Variants in PTPRD observed in about 807,000 individuals in gnomAD.
PTPRD encodes the protein protein tyrosine phosphatase receptor type D.
PTPRD carries 34 observed loss-of-function variants against 214.5 expected under a neutral mutation model. The ratio of observed to expected loss-of-function variants is 0.16; its 90% CI spans 0.12 to 0.21. The LOEUF (loss-of-function observed/expected upper bound fraction) is 0.21. PTPRD is among the 10% of genes least tolerant of loss of function. The pLI is 1.00. For synonymous variants in PTPRD, 1,128 were observed against 845.7 expected, an observed-to-expected ratio of 1.33 and a Z score of -5.79; for missense variants, 2,545 against 2,398.7, an observed-to-expected ratio of 1.06 and a Z score of -1.27.
intron 6 of PTPRD, among the ~76,000 whole-genome samples, chr9:9,747,462 G>A (rs1237711772): frequency 6.6e-6 from 1 of 151,786 alleles, no homozygotes; most frequent in East Asian, 1.9e-4. Context: ...AACTGGGGCT[G>A]AAAATTAAAT....
intron 14 of PTPRD, among the ~76,000 whole-genome samples, chr9:8,575,837 CT>C (rs368907793): frequency 9.3e-4 from 142 of 152,248 alleles, no homozygotes; most frequent in African/African-American, 3.3e-3. Flanking sequence ...ACTACAGTAC[CT>C]ACCATGTGCT....
chr9:10,542,653 T>C (rs1265783186), intron 2 of PTPRD, among the ~76,000 whole-genome samples: 1 of 152,268 alleles, frequency 6.6e-6, no homozygotes, highest in East Asian at 1.9e-4. Flanking sequence ...GTAACACATA[T>C]ATTCACAGTG....
chr9:9,048,910 C>T (rs1569505403), intron 10 of PTPRD, among the ~76,000 whole-genome samples: 1 of 152,116 alleles, frequency 6.6e-6, no homozygotes, highest in East Asian at 1.9e-4. Flanking sequence ...TGTATCAAAA[C>T]ATCTCATGTA....
intron 9 of PTPRD, among the ~76,000 whole-genome samples, chr9:9,283,916 G>C (rs556421531): frequency 6.6e-6 from 1 of 151,506 alleles, no homozygotes; most frequent in African/African-American, 2.4e-5. Context: ...TTATAATTTC[G>C]TTCACTATAT....
chr9:8,951,138 A>AGTGT (rs56212369), intron 11 of PTPRD, among the ~76,000 whole-genome samples: 240 of 147,224 alleles, frequency 1.6e-3, no homozygotes, highest in African/African-American at 4.2e-3. Context: ...TAGGAAAAAG[A>AGTGT]GTGTGTGTGT....
At chr9:9,046,702 T>C (rs748950371) in intron 10 of PTPRD, among the ~76,000 whole-genome samples, 46 of 152,170 alleles carry the variant, frequency 3.0e-4, no homozygotes, top group Non-Finnish European at 5.6e-4. Flanking sequence ...TCTGTAATCA[T>C]GCAGGCAATT....
chr9:8,541,139 A>T (rs1445595315), intron 14 of PTPRD, among the ~76,000 whole-genome samples: 1 of 152,218 alleles, frequency 6.6e-6, no homozygotes, highest in Non-Finnish European at 1.5e-5. Context: ...ATCTATGGGG[A>T]AACATTTCCC....
chr9:8,630,582 G>T (rs531560137), intron 14 of PTPRD, among the ~76,000 whole-genome samples: 1 of 151,788 alleles, frequency 6.6e-6, no homozygotes, highest in East Asian at 1.9e-4. Context: ...TTTTTCTCAT[G>T]AAAGTTCTAA....
intron 14 of PTPRD, among the ~76,000 whole-genome samples, chr9:8,564,894 A>C (rs975536231): frequency 1.3e-5 from 2 of 152,190 alleles, no homozygotes; most frequent in African/African-American, 4.8e-5. Context: ...AATAAATATT[A>C]ATCCATGCTA....
At chr9:8,941,332 C>G (rs1298329176) in intron 11 of PTPRD, among the ~76,000 whole-genome samples, 2 of 152,010 alleles carry the variant, frequency 1.3e-5, no homozygotes, top group African/African-American at 4.8e-5. Flanking sequence ...AGTTTATCAA[C>G]AAAATTACAC....
chr9:9,095,101 G>A (rs184747920), intron 10 of PTPRD, among the ~76,000 whole-genome samples: 29 of 152,132 alleles, frequency 1.9e-4, no homozygotes, highest in Non-Finnish European at 1.5e-5. Flanking sequence ...AAACATGCTT[G>A]CTAATAGGTG....
chr9:8,578,524 C>T (rs377599391), intron 14 of PTPRD, among the ~76,000 whole-genome samples: 6 of 152,126 alleles, frequency 3.9e-5, no homozygotes, highest in Admixed American at 2.6e-4. Flanking sequence ...ATTCTCTAGG[C>T]TGTCAATACA....
intron 9 of PTPRD, among the ~76,000 whole-genome samples, chr9:9,244,136 A>G (rs1254093443): frequency 6.6e-6 from 1 of 152,192 alleles, no homozygotes; most frequent in Non-Finnish European, 1.5e-5. Flanking sequence ...AAAATAAAAG[A>G]GGATACAAAC....
intron 39 of PTPRD, among the ~76,000 whole-genome samples, chr9:8,355,902 G>A (rs6477294): frequency 6.6e-6 from 1 of 151,878 alleles, no homozygotes; most frequent in South Asian, 2.1e-4. Flanking sequence ...CAGGCACATT[G>A]CTAACATTTT....
chr9:9,814,662 A>G (rs1173973679), intron 5 of PTPRD, among the ~76,000 whole-genome samples: 14 of 152,166 alleles, frequency 9.2e-5, no homozygotes, highest in Non-Finnish European at 1.5e-5. Context: ...AAATGTTCAA[A>G]TGTCCATACT....
chr9:9,819,670 C>T (rs1325360983), intron 5 of PTPRD, among the ~76,000 whole-genome samples: 4 of 152,054 alleles, frequency 2.6e-5, no homozygotes, highest in Admixed American at 2.6e-4. Context: ...CTCCCTCTTT[C>T]CCTCTTCTAG....
chr9:10,496,800 G>A (rs894984324), intron 2 of PTPRD, among the ~76,000 whole-genome samples: 3 of 151,992 alleles, frequency 2.0e-5, no homozygotes, highest in Non-Finnish European at 4.4e-5. Context: ...CTTTAACGGG[G>A]TTATGTGATT....
intron 2 of PTPRD, among the ~76,000 whole-genome samples, chr9:10,518,258 T>A (rs2050790744): frequency 6.6e-6 from 1 of 152,302 alleles, no homozygotes; most frequent in Admixed American, 6.5e-5. Context: ...ACCAACTACA[T>A]AAATCATGAA....
At chr9:9,839,131 T>C (rs1283491155) in intron 5 of PTPRD, among the ~76,000 whole-genome samples, 1 of 152,218 alleles carries the variant, frequency 6.6e-6, no homozygotes, top group Admixed American at 6.5e-5. Context: ...TCTATATCTC[T>C]GTTTTGGTAC....
Sources: gnomAD v4.1 joint callset for allele counts (sites outside exome capture counted in the v4.1 genomes callset) on GRCh38, gnomAD v4.1.1 for gene constraint, MANE v1.5 for transcripts, NCBI Gene and HGNC (gene_info 2026-07-23, HGNC 2026-07-21) for gene names.